NCAM2: variants seen among roughly 807,000 people sequenced by gnomAD.
The protein encoded by NCAM2 is neural cell adhesion molecule 2.
NCAM2 carries 30 observed loss-of-function variants against 98.1 expected under a neutral mutation model. The ratio of observed to expected loss-of-function variants is 0.31; its 90% confidence interval spans 0.23 to 0.41. The LOEUF (loss-of-function observed/expected upper bound fraction) is 0.41, where lower values mean the gene tolerates loss of function less well. Among genes scored for constraint, NCAM2 ranks in the 10% least tolerant of loss-of-function variants. The probability of loss-of-function intolerance (pLI) is 1.00; values close to 1 mark genes in which losing one functional copy is unlikely to be tolerated. For synonymous variants in NCAM2, 368 were observed against 342.4 expected (o/e 1.07, Z -0.83); for missense variants, 867 against 1,005.8 (o/e 0.86, Z 1.87).
intron 1 of NCAM2, among the ~76,000 whole-genome samples, chr21:21,158,166 G>T (rs1459416364): frequency 6.6e-6 from 1 of 152,190 alleles, no homozygotes. Flanking sequence ...TAAAAAGACA[G>T]ACTATGGAAT....
At position 21,292,220 on chromosome 21, in the gene NCAM2, G is replaced by A. The variant is rs1327153518; in HGVS notation, c.598G>A (p.Asp200Asn). The A allele has an allele frequency of 6.2e-7, 1 of 1,609,132 alleles. No individual in the cohort carries two copies. Among genetic ancestry groups the A allele is most frequent in the Non-Finnish European group, 8.5e-7 (1 of 1,177,264 alleles). The change falls in exon 5 of 18, where the codon GAT becomes AAT. Residue 200 changes from aspartate (D) to asparagine (N), a missense_variant. Around this residue, in one of 5 missense-constraint regions of NCAM2, gnomAD observed 447 missense variants for 495.7 expected, o/e 0.90. Transcript: ENST00000400546. Reference sequence around the variant, plus strand: ...GGCCAGGGGAGAAATTGACTTCCGTGATATCATTGTTATTGTTAATGGTAA... The same window carrying A: ...GGCCAGGGGAGAAATTGACTTCCGTAATATCATTGTTATTGTTAATGGTAA... ...VEARGEIDFR[D>N]IIVIVNVPPA...
chr21:21,227,469 G>GA (rs1476092241), intron 1 of NCAM2, among the ~76,000 whole-genome samples: 2 of 151,686 alleles, frequency 1.3e-5, no homozygotes, highest in Non-Finnish European at 3.0e-5. Context: ...ATAATAACAA[G>GA]ATATGTTTAT....
At chr21:21,415,348 T>C (rs1362094233) in intron 10 of NCAM2, among the ~76,000 whole-genome samples, 1 of 143,536 alleles carries the variant, frequency 7.0e-6, no homozygotes, top group Non-Finnish European at 1.5e-5. Context: ...TTTTTTTTTT[T>C]TTTTTTTTGA....
chr21:21,459,310 G>A (rs1982611756), intron 12 of NCAM2, among the ~76,000 whole-genome samples: 1 of 151,746 alleles, frequency 6.6e-6, no homozygotes, highest in Non-Finnish European at 1.5e-5. Context: ...ATATTCTCAA[G>A]CGAAATGTGT....
At chr21:21,416,518 G>GAAAA (rs79612070) in intron 10 of NCAM2, among the ~76,000 whole-genome samples, 51,928 of 149,996 alleles carry the variant, frequency 0.35, 9,055 homozygotes, top group African/African-American at 0.4. Flanking sequence ...AAAGAAAAAA[G>GAAAA]AAAAACACTA....
At chr21:21,452,961 ATATTATATATTAT>A (rs1981473778) in intron 12 of NCAM2, among the ~76,000 whole-genome samples, 1 of 39,838 alleles carries the variant, frequency 2.5e-5, no homozygotes, top group African/African-American at 7.7e-5. Flanking sequence ...TATATATTAT[ATATTATATATTAT>A]TATATATTAT....
At chr21:21,286,442 A>G (rs1287264591) in intron 4 of NCAM2, 30 bp downstream of exon 4, 1 of 1,604,580 alleles carries the variant, frequency 6.2e-7, no homozygotes. Context: ...CCTAAGTTAT[A>G]TGTTCTAATA....
At chr21:21,075,175 CG>C (rs1568995081) in intron 1 of NCAM2, among the ~76,000 whole-genome samples, 1 of 151,898 alleles carries the variant, frequency 6.6e-6, no homozygotes, top group African/African-American at 2.4e-5. Flanking sequence ...CATCACACAC[CG>C]GGGCTTGTTG....
At chr21:21,300,226 C>G (rs972997916) in intron 5 of NCAM2, among the ~76,000 whole-genome samples, 8 of 152,024 alleles carry the variant, frequency 5.3e-5, no homozygotes, top group African/African-American at 1.9e-4. Flanking sequence ...GAGACAATCC[C>G]CTGCACAAGA....
intron 13 of NCAM2, 25 bp from the exon 14 acceptor site, chr21:21,468,637 A>T (rs1042011664): frequency 2.5e-6 from 4 of 1,588,478 alleles, no homozygotes; most frequent in Non-Finnish European, 2.6e-6. Context: ...TGTGCAAATG[A>T]AGAAATGTTG....
At chr21:21,163,574 T>C (rs575555671) in intron 1 of NCAM2, among the ~76,000 whole-genome samples, 164 of 152,256 alleles carry the variant, frequency 1.1e-3, no homozygotes, top group African/African-American at 3.8e-3. Context: ...ATAACGTACA[T>C]GAATTAAGCA....
intron 1 of NCAM2, among the ~76,000 whole-genome samples, chr21:21,099,139 G>C (rs1165220782): frequency 1.3e-5 from 2 of 150,750 alleles, no homozygotes; most frequent in East Asian, 1.9e-4. Context: ...GAAACAAAAT[G>C]AATGAGTCAG....
intron 1 of NCAM2, among the ~76,000 whole-genome samples, chr21:21,124,118 C>A (rs9983365): frequency 0.99 from 150,047 of 152,062 alleles, 74,050 homozygotes; most frequent in East Asian, 1. Context: ...TAATGCTGAG[C>A]TTACAGGCGT....
At chr21:21,154,554 A>G (rs1329639018) in intron 1 of NCAM2, among the ~76,000 whole-genome samples, 1 of 151,906 alleles carries the variant, frequency 6.6e-6, no homozygotes, top group Admixed American at 6.6e-5. Context: ...AGAACAATAA[A>G]GGAAAGACAC....
intron 1 of NCAM2, among the ~76,000 whole-genome samples, chr21:21,056,192 A>T (rs1271961917): frequency 6.6e-6 from 1 of 152,110 alleles, no homozygotes; most frequent in Non-Finnish European, 1.5e-5. Flanking sequence ...GATGCACTTT[A>T]AGATCTAAAC....
At chr21:21,346,140 T>G (rs1196864523) in intron 8 of NCAM2, among the ~76,000 whole-genome samples, 1 of 143,824 alleles carries the variant, frequency 7.0e-6, no homozygotes, top group African/African-American at 2.6e-5. Context: ...ATCTGTTGCC[T>G]ACAAGAAACA....
intron 1 of NCAM2, among the ~76,000 whole-genome samples, chr21:21,210,923 C>T (rs1404490135): frequency 2.0e-5 from 3 of 148,114 alleles, no homozygotes; most frequent in Non-Finnish European, 4.4e-5. Flanking sequence ...GCCAAGGTAG[C>T]TTCCATATAG....
chr21:21,348,528 G>A lies in NCAM2; in HGVS notation c.1044+9994G>A, dbSNP rs189293511. On this transcript the variant is annotated intron_variant, in intron 8 of 17. Coordinates refer to ENST00000400546, the MANE Select transcript of NCAM2 (RefSeq NM_004540.5). Reference sequence around the variant, plus strand: ...TTTTAAAATGTCCATATTACCCAAAGCAATCTACAGATTCAGTGCAATCCC... The same window carrying A: ...TTTTAAAATGTCCATATTACCCAAAACAATCTACAGATTCAGTGCAATCCC... Among the ~76,000 whole-genome samples, 260 of 152,070 alleles carry A rather than the reference G, an allele frequency of 1.7e-3. 2 individuals are homozygous for A. The highest frequency in any genetic ancestry group is 6.0e-3 in the African/African-American group (249 of 41,482).
chr21:21,292,699 C>A lies in NCAM2; in HGVS notation c.619+458C>A, dbSNP rs115490124. The stretch of plus-strand genomic sequence containing the variant: ...TGGTTTTATGAAATCATGATGAAAT[C>A]TCTTCCTCCAAAGTTGCTTCTCCTA... On this transcript the variant is annotated intron_variant, in intron 5 of 17. Transcript: ENST00000400546. Among the ~76,000 whole-genome samples, 679 of 151,936 alleles carry A rather than the reference C, an allele frequency of 4.5e-3. 8 individuals carry two copies. Among genetic ancestry groups the A allele is most frequent in the African/African-American group, 0.016 (652 of 41,502 alleles).
Sources: gnomAD v4.1 joint callset for allele counts (sites outside exome capture counted in the v4.1 genomes callset) on GRCh38, gnomAD v4.1.1 for gene constraint, gnomAD v4.1.1 regional missense constraint, MANE v1.5 for transcripts, NCBI Gene and HGNC (gene_info 2026-07-23, HGNC 2026-07-21) for gene names.